INPP4B: variants seen among roughly 807,000 people sequenced by gnomAD.
INPP4B encodes inositol polyphosphate 4-phosphatase type II.
A neutral mutation model predicts 122.5 loss-of-function variants in INPP4B; 55 were observed. That is an observed-to-expected ratio of 0.45 (90% CI 0.36 to 0.56). The LOEUF (loss-of-function observed/expected upper bound fraction) is 0.56. Ranked by LOEUF, INPP4B falls within the 20% of genes least tolerant of loss-of-function variation. INPP4B has a pLI of 0.00. For synonymous variants in INPP4B, 403 were observed against 388.7 expected (o/e 1.04, Z -0.43); for missense variants, 1,000 against 1,097.7 (o/e 0.91, Z 1.26).
intron 1 of INPP4B, among the ~76,000 whole-genome samples, chr4:142,779,682 T>C (rs1366802702): frequency 6.6e-6 from 1 of 151,938 alleles, no homozygotes; most frequent in Non-Finnish European, 1.5e-5. Context: ...TTGTTCCATC[T>C]AAGAGATCAG....
chr4:142,521,714 T>A (rs1040498452), intron 2 of INPP4B, among the ~76,000 whole-genome samples: 1 of 152,150 alleles, frequency 6.6e-6, no homozygotes, highest in Non-Finnish European at 1.5e-5. Flanking sequence ...ATTCATATAT[T>A]TGTATTTACA....
At chr4:142,126,375 T>A (rs1460359044) in intron 18 of INPP4B, among the ~76,000 whole-genome samples, 2 of 152,078 alleles carry the variant, frequency 1.3e-5, no homozygotes, top group African/African-American at 4.8e-5. Flanking sequence ...ACAATCACTA[T>A]CGTACCATGT....
chr4:142,508,650 T>G (rs938542809), intron 2 of INPP4B, among the ~76,000 whole-genome samples: 4 of 152,218 alleles, frequency 2.6e-5, no homozygotes, highest in African/African-American at 9.7e-5. Flanking sequence ...CACTTTATAG[T>G]GTTTCAACCA....
chr4:142,217,481 A>G (rs962380964), intron 12 of INPP4B, among the ~76,000 whole-genome samples: 1 of 152,198 alleles, frequency 6.6e-6, no homozygotes, highest in Non-Finnish European at 1.5e-5. Context: ...CCTAGAGTAT[A>G]GTGCTAAGCT....
At chr4:142,821,141 C>T (rs569676463) in intron 1 of INPP4B, among the ~76,000 whole-genome samples, 2 of 152,098 alleles carry the variant, frequency 1.3e-5, no homozygotes, top group Non-Finnish European at 2.9e-5. Context: ...TATAATGCCT[C>T]TTGAGAACTT....
At chr4:142,297,410 A>C (rs1579641939) in intron 9 of INPP4B, among the ~76,000 whole-genome samples, 1 of 152,212 alleles carries the variant, frequency 6.6e-6, no homozygotes, top group African/African-American at 2.4e-5. Flanking sequence ...TCACTGTTAG[A>C]GGCAGGGCCT....
intron 7 of INPP4B, among the ~76,000 whole-genome samples, chr4:142,398,578 T>G (rs553177680): frequency 6.6e-6 from 1 of 150,850 alleles, no homozygotes; most frequent in East Asian, 2.0e-4. Flanking sequence ...CAGGTATAGT[T>G]AGACTTAAGC....
At chr4:142,730,853 C>A (rs1322639871) in intron 1 of INPP4B, among the ~76,000 whole-genome samples, 1 of 152,150 alleles carries the variant, frequency 6.6e-6, no homozygotes, top group Non-Finnish European at 1.5e-5. Flanking sequence ...TATTAAATAT[C>A]TATTAATGTA....
At chr4:142,408,856 C>T (rs1279079763) in intron 5 of INPP4B, among the ~76,000 whole-genome samples, 3 of 152,130 alleles carry the variant, frequency 2.0e-5, no homozygotes, top group Non-Finnish European at 2.9e-5. Flanking sequence ...TGTTCTTAGA[C>T]CTCAGAAGAG....
At position 142,507,010 on chromosome 4, in the gene INPP4B, T is replaced by C. The variant is rs1824111550; in HGVS notation, c.-190-44284A>G. ...CTCCCATCTGCTGTGGCTGACATTGTTCATGTACATTGTTCTCTTTTGAAA... is the reference window on the plus strand; with the variant it reads ...CTCCCATCTGCTGTGGCTGACATTGCTCATGTACATTGTTCTCTTTTGAAA... On this transcript the variant is annotated intron_variant, in intron 2 of 25. Coordinates refer to ENST00000262992, the MANE Select transcript of INPP4B (RefSeq NM_001101669.3). 2.0e-5 allele frequency among the ~76,000 whole-genome samples: 3 copies of C among 152,166 alleles called. 1 individual carries two copies. The South Asian group carries it at 6.2e-4, about 31-fold the overall frequency.
intron 1 of INPP4B, among the ~76,000 whole-genome samples, chr4:142,736,174 T>C (rs1463918784): frequency 6.6e-6 from 1 of 152,138 alleles, no homozygotes; most frequent in Admixed American, 6.6e-5. Flanking sequence ...AGTCAGATTC[T>C]TCATTTCAAC....
intron 2 of INPP4B, among the ~76,000 whole-genome samples, chr4:142,653,246 G>T (rs1050725097): frequency 3.9e-5 from 6 of 152,066 alleles, no homozygotes; most frequent in Non-Finnish European, 7.4e-5. Flanking sequence ...AGACTTAAAT[G>T]TTACACCTAA....
chr4:142,696,351 CTG>C (rs1761025353), intron 2 of INPP4B, among the ~76,000 whole-genome samples: 1 of 152,170 alleles, frequency 6.6e-6, no homozygotes, highest in South Asian at 2.1e-4. Flanking sequence ...TGTTCCATAA[CTG>C]TGCCCAGCAG....
intron 2 of INPP4B, among the ~76,000 whole-genome samples, chr4:142,621,403 T>G (rs961399109): frequency 6.6e-6 from 1 of 151,958 alleles, no homozygotes; most frequent in African/African-American, 2.4e-5. Context: ...CACACACCAC[T>G]TATACAGTCC....
chr4:142,405,173 G>GAGAGAA, intron 6 of INPP4B, 33 bp downstream of exon 6: 1 of 1,252,828 alleles, frequency 8.0e-7, no homozygotes, highest in Non-Finnish European at 1.2e-6. Context: ...GAGAGAGAGA[G>GAGAGAA]AGAGAGATTA....
At chr4:142,720,817 A>ATC (rs1553997425) in intron 2 of INPP4B, among the ~76,000 whole-genome samples, 3,706 of 98,638 alleles carry the variant, frequency 0.038, 637 homozygotes, top group African/African-American at 0.046. Flanking sequence ...CTCTATATAT[A>ATC]TATATATATA....
At chr4:142,502,781 C>A (rs1005752286) in intron 2 of INPP4B, among the ~76,000 whole-genome samples, 8 of 152,068 alleles carry the variant, frequency 5.3e-5, no homozygotes, top group Non-Finnish European at 1.2e-4. Context: ...GCCTGGCTAT[C>A]CATGCCTTTA....
At chr4:142,838,271 T>C (rs1393483880) in intron 1 of INPP4B, among the ~76,000 whole-genome samples, 1 of 152,104 alleles carries the variant, frequency 6.6e-6, no homozygotes, top group Non-Finnish European at 1.5e-5. Flanking sequence ...TGTCTTTTGA[T>C]GATTTTTTTC....
intron 2 of INPP4B, among the ~76,000 whole-genome samples, chr4:142,663,980 A>G (rs781415885): frequency 2.0e-5 from 3 of 152,186 alleles, no homozygotes; most frequent in Non-Finnish European, 4.4e-5. Flanking sequence ...TAAGAAATGA[A>G]ATGTATCAGA....
Sources: gnomAD v4.1 joint callset for allele counts (sites outside exome capture counted in the v4.1 genomes callset) on GRCh38, gnomAD v4.1.1 for gene constraint, MANE v1.5 for transcripts, NCBI Gene and HGNC (gene_info 2026-07-23, HGNC 2026-07-21) for gene names.